Variants in SNRPN observed in about 807,000 individuals in gnomAD.
SNRPN encodes small nuclear ribonucleoprotein-associated protein N.
In SNRPN, 7 loss-of-function variants were observed where a neutral mutation model predicts 25.2. The observed-to-expected ratio is 0.28, with a 90% confidence interval of 0.16 to 0.52. The LOEUF (loss-of-function observed/expected upper bound fraction) is 0.52, where lower values mean the gene tolerates loss of function less well. Ranked by LOEUF, SNRPN falls within the 20% of genes least tolerant of loss-of-function variation. The pLI, the probability that SNRPN is intolerant of heterozygous loss-of-function variation, is 0.96. For missense variants in SNRPN, 196 were observed against 322.5 expected (o/e 0.61, Z 3.00); for synonymous variants, 124 against 110.6 (o/e 1.12, Z -0.76).
chr15:24,878,498 T>G (rs1049577288), intron 1 of SNRPN, among the ~76,000 whole-genome samples: 1 of 152,268 alleles, frequency 6.6e-6, no homozygotes, highest in Non-Finnish European at 1.5e-5. Flanking sequence ...CGAGGGTCTG[T>G]TCCGCTTATG....
exon 1 of SNRPN, chr15:24,823,686 G>A (rs567196678): frequency 1.3e-5 from 2 of 152,342 alleles, no homozygotes; most frequent in East Asian, 3.9e-4. Flanking sequence ...TGAGCTCAGA[G>A]CCTTCTGTGT....
chr15:24,869,829 G>C (rs188742172), intron 1 of SNRPN, among the ~76,000 whole-genome samples: 1 of 152,232 alleles, frequency 6.6e-6, no homozygotes, highest in Non-Finnish European at 1.5e-5. Flanking sequence ...TTAAGAACAA[G>C]AAAGTTATGC....
intron 1 of SNRPN, among the ~76,000 whole-genome samples, chr15:24,957,300 T>G (rs2063095381): frequency 6.6e-6 from 1 of 152,128 alleles, no homozygotes; most frequent in Admixed American, 6.5e-5. Context: ...CTTCTGGGAG[T>G]TGAAAGCTGC....
intron 1 of SNRPN, among the ~76,000 whole-genome samples, chr15:24,873,160 C>T (rs1303460275): frequency 9.2e-6 from 1 of 109,094 alleles, no homozygotes; most frequent in Admixed American, 1.1e-4. Flanking sequence ...ATTACTCCCG[C>T]CTTGCCCGCA....
At chr15:24,852,278 G>A (rs181125185), upstream of SNRPN, 43 of 152,152 alleles carry the variant, frequency 2.8e-4, no homozygotes, top group African/African-American at 7.7e-4. Context: ...GTTTTATTTC[G>A]TGTATCCTGT....
intron 1 of SNRPN, among the ~76,000 whole-genome samples, chr15:24,879,662 T>A (rs960613677): frequency 2.2e-4 from 33 of 152,186 alleles, no homozygotes; most frequent in Non-Finnish European, 7.4e-5. Context: ...ACATCACATA[T>A]TTTTTTGTTT....
chr15:24,956,354 CG>C (rs10626759), intron 1 of SNRPN, among the ~76,000 whole-genome samples: 1 of 138,224 alleles, frequency 7.2e-6, no homozygotes, highest in Admixed American at 7.7e-5. Flanking sequence ...AGCGCTTCAG[CG>C]GGGGGGTGGC....
intron 2 of SNRPN, among the ~76,000 whole-genome samples, chr15:24,903,195 G>A (rs1158440034): frequency 6.6e-6 from 1 of 152,182 alleles, no homozygotes; most frequent in African/African-American, 2.4e-5. Context: ...GAAAGCATAT[G>A]CTGGGGCTGG....
At chr15:24,844,294 T>G (rs1324458717) in intron 2 of SNRPN, among the ~76,000 whole-genome samples, 2 of 152,178 alleles carry the variant, frequency 1.3e-5, no homozygotes, top group Non-Finnish European at 2.9e-5. Context: ...TAAAACTCAT[T>G]AACTTGTTCG....
chr15:24,919,260 T>G (rs1595902669), intron 2 of SNRPN, among the ~76,000 whole-genome samples: 1 of 151,412 alleles, frequency 6.6e-6, no homozygotes, highest in African/African-American at 2.4e-5. Flanking sequence ...AAACCCCGTC[T>G]CTACTAAAAA....
At chr15:24,949,316 T>G (rs2062087625) in intron 3 of SNRPN, among the ~76,000 whole-genome samples, 1 of 151,834 alleles carries the variant, frequency 6.6e-6, no homozygotes, top group East Asian at 1.9e-4. Flanking sequence ...GCCACCACAC[T>G]TGGCCTGGAT....
At chr15:24,826,451 G>T (rs2141009118) in intron 1 of SNRPN, among the ~76,000 whole-genome samples, 1 of 152,116 alleles carries the variant, frequency 6.6e-6, no homozygotes, top group African/African-American at 2.4e-5. Flanking sequence ...ACTGTGTCTT[G>T]CCAACCATCA....
intron 3 of SNRPN, among the ~76,000 whole-genome samples, chr15:24,934,038 C>T (rs1321754818): frequency 6.6e-6 from 1 of 152,102 alleles, no homozygotes; most frequent in Non-Finnish European, 1.5e-5. Flanking sequence ...TGGCTCACAC[C>T]TGTAATCCCA....
At chr15:24,939,113 A>G (rs1311269455) in intron 3 of SNRPN, among the ~76,000 whole-genome samples, 1 of 152,168 alleles carries the variant, frequency 6.6e-6, no homozygotes, top group African/African-American at 2.4e-5. Context: ...CCCAGAACAC[A>G]TGGTAATTCT....
intron 3 of SNRPN, among the ~76,000 whole-genome samples, chr15:24,972,464 G>A (rs12050838): frequency 0.52 from 79,234 of 151,406 alleles, 22,396 homozygotes; most frequent in African/African-American, 0.75. Context: ...GATCTTTATA[G>A]GTTTTATTTA....
At chr15:24,926,309 T>A (rs1002698829) in intron 3 of SNRPN, among the ~76,000 whole-genome samples, 5 of 152,184 alleles carry the variant, frequency 3.3e-5, no homozygotes, top group Non-Finnish European at 5.9e-5. Flanking sequence ...GTTTACATAG[T>A]TAAAAATCAA....
At chr15:24,835,061 G>GTATATATATCTATATATAAAATAGAT (rs2050987699) in intron 2 of SNRPN, among the ~76,000 whole-genome samples, 4 of 27,228 alleles carry the variant, frequency 1.5e-4, no homozygotes, top group Non-Finnish European at 2.7e-4. Flanking sequence ...TAAAAATATA[G>GTATATATATCTATATATAAAATAGAT]ATATATAGTA....
chr15:24,885,214 G>T (rs2057091429), intron 1 of SNRPN, among the ~76,000 whole-genome samples: 2 of 152,170 alleles, frequency 1.3e-5, no homozygotes, highest in South Asian at 4.1e-4. Flanking sequence ...CCTTGCACCG[G>T]TAGCCTAGGT....
At chr15:24,863,596 A>G (rs2054220406) in intron 1 of SNRPN, among the ~76,000 whole-genome samples, 1 of 150,662 alleles carries the variant, frequency 6.6e-6, no homozygotes, top group South Asian at 2.1e-4. Context: ...GTACCTAGCA[A>G]AATTGACCAA....
Sources: gnomAD v4.1 joint callset for allele counts (sites outside exome capture counted in the v4.1 genomes callset) on GRCh38, gnomAD v4.1.1 for gene constraint, MANE v1.5 for transcripts, NCBI Gene and HGNC (gene_info 2026-07-23, HGNC 2026-07-21) for gene names.